MALRD1: variants seen among roughly 807,000 people sequenced by gnomAD.
The protein encoded by MALRD1 is MAM and LDL receptor class A domain containing 1.
A neutral mutation model predicts 242.1 loss-of-function variants in MALRD1; 247 were observed. The observed-to-expected ratio is 1.02, with a 90% CI of 0.92 to 1.13. The LOEUF (loss-of-function observed/expected upper bound fraction) is 1.13. Ranked by LOEUF, MALRD1 falls within the 50% of genes most tolerant of loss-of-function variation. The pLI, the probability that MALRD1 is intolerant of heterozygous loss-of-function variation, is 0.00. For missense variants in MALRD1, 2,989 were observed against 2,533.1 expected (o/e 1.18, Z -3.86); for synonymous variants, 995 against 866.6 (o/e 1.15, Z -2.60).
chr10:19,101,363 A>G (rs967321443), intron 4 of MALRD1, among the ~76,000 whole-genome samples: 2 of 144,552 alleles, frequency 1.4e-5, no homozygotes, highest in Non-Finnish European at 1.5e-5. Context: ...ATGTAATTAT[A>G]TATTATATAT....
chr10:19,698,528 T>C (rs1179150857), intron 38 of MALRD1, among the ~76,000 whole-genome samples: 3 of 152,172 alleles, frequency 2.0e-5, no homozygotes, highest in Non-Finnish European at 4.4e-5. Flanking sequence ...TTTGAAGTTA[T>C]TGTCTTTTGA....
chr10:19,340,052 C>T (rs1385810255), intron 24 of MALRD1, among the ~76,000 whole-genome samples: 1 of 152,030 alleles, frequency 6.6e-6, no homozygotes, highest in Admixed American at 6.6e-5. Context: ...GGAAACCGTC[C>T]TCATGATCTA....
At chr10:19,443,529 C>T (rs181019508) in intron 28 of MALRD1, among the ~76,000 whole-genome samples, 1 of 152,270 alleles carries the variant, frequency 6.6e-6, no homozygotes, top group African/African-American at 2.4e-5. Context: ...TGTCTTTGCT[C>T]TCATTGGTTT....
chr10:19,062,944 A>C (rs77135154), intron 1 of MALRD1, among the ~76,000 whole-genome samples: 2 of 152,254 alleles, frequency 1.3e-5, no homozygotes, highest in East Asian at 3.9e-4. Context: ...CCAGAAGTTC[A>C]AGATTAGCCT....
intron 5 of MALRD1, among the ~76,000 whole-genome samples, chr10:19,114,197 A>G (rs921980029): frequency 6.6e-6 from 1 of 152,226 alleles, no homozygotes; most frequent in Admixed American, 6.5e-5. Context: ...TCCTCAAACT[A>G]TATAATGAGG....
At chr10:19,049,422 C>T (rs538992665) in intron 1 of MALRD1, among the ~76,000 whole-genome samples, 8 of 152,174 alleles carry the variant, frequency 5.3e-5, no homozygotes, top group African/African-American at 1.4e-4. Flanking sequence ...TTTAATGTTA[C>T]GTGAGTGAAA....
rs58040272 is a variant in MALRD1 at position 19,700,021 on chromosome 10, G to GACACACAC, written c.6314+7500_6314+7507dup. 5.1e-3 allele frequency among the ~76,000 whole-genome samples: 714 copies of GACACACAC among 141,258 alleles called. 4 individuals are homozygous for GACACACAC. Among genetic ancestry groups the GACACACAC allele is most frequent in the African/African-American group, 0.016 (612 of 38,362 alleles). 92.7% of individuals were successfully genotyped at this position (141,258 alleles called of 152,430 possible). On this transcript the variant is annotated intron_variant, in intron 38 of 39. Transcript: ENST00000454679. ...AAGGGTCCCAAGTGAAATTGATTTA[G>GACACACAC]ACACACACACACACACACACACACA...
In MALRD1 at chr10:19,341,325, G is replaced by T. The variant is rs186047080; in HGVS notation, c.3902-6446G>T. On this transcript the variant is annotated intron_variant, in intron 24 of 39. Coordinates refer to ENST00000454679, the MANE Select transcript of MALRD1 (RefSeq NM_001142308.3). Reference sequence around the variant, plus strand: ...TGTCTGGCATTTTTTCTAGTTTCTTGGGATAATGAAGTGAACAATACATAC... The same window carrying T: ...TGTCTGGCATTTTTTCTAGTTTCTTTGGATAATGAAGTGAACAATACATAC... Among the ~76,000 whole-genome samples the T allele has an allele frequency of 2.3e-3, 349 of 151,486 alleles. 1 individual carries two copies. The highest frequency in any genetic ancestry group is 4.7e-3 in the Admixed American group (71 of 15,124).
chr10:19,658,573 G>A (rs969639204), intron 36 of MALRD1, among the ~76,000 whole-genome samples: 6 of 152,228 alleles, frequency 3.9e-5, no homozygotes, highest in Admixed American at 2.6e-4. Flanking sequence ...AGGGTCAAGA[G>A]TTATTGGCCT....
intron 32 of MALRD1, among the ~76,000 whole-genome samples, chr10:19,552,124 G>A (rs77351893): frequency 0.049 from 7,394 of 152,112 alleles, 581 homozygotes; most frequent in African/African-American, 0.17. Context: ...TTAGAGAGGA[G>A]TCCCTCCTTT....
intron 31 of MALRD1, among the ~76,000 whole-genome samples, chr10:19,505,394 C>T (rs1159855933): frequency 6.6e-6 from 1 of 151,954 alleles, no homozygotes; most frequent in African/African-American, 2.4e-5. Flanking sequence ...GGACTGTTGT[C>T]CTCATAAAAT....
At chr10:19,209,714 A>G (rs1375380541) in intron 18 of MALRD1, 34 bp downstream of exon 18, 1 of 1,468,464 alleles carries the variant, frequency 6.8e-7, no homozygotes, top group Non-Finnish European at 9.1e-7. Context: ...GTACATTTGA[A>G]ATGCATCTGA....
At chr10:19,370,618 C>A (rs866409503) in intron 26 of MALRD1, among the ~76,000 whole-genome samples, 3 of 152,034 alleles carry the variant, frequency 2.0e-5, no homozygotes, top group Admixed American at 6.6e-5. Flanking sequence ...GGCTCTGTTG[C>A]CCAGGGTTTA....
chr10:19,082,391 T>G (rs1183918377), intron 2 of MALRD1, among the ~76,000 whole-genome samples: 3 of 151,310 alleles, frequency 2.0e-5, no homozygotes, highest in African/African-American at 7.3e-5. Flanking sequence ...TTGATTTTTA[T>G]CAGTTATATA....
chr10:19,534,442 A>C (rs1423032340), intron 32 of MALRD1, among the ~76,000 whole-genome samples: 2 of 152,104 alleles, frequency 1.3e-5, no homozygotes, highest in Non-Finnish European at 2.9e-5. Context: ...GCTTTTTTAC[A>C]ATCTCTAATT....
At chr10:19,369,797 A>T (rs544398424) in intron 26 of MALRD1, among the ~76,000 whole-genome samples, 1 of 151,906 alleles carries the variant, frequency 6.6e-6, no homozygotes, top group East Asian at 1.9e-4. Flanking sequence ...GATATTTTTT[A>T]TATACTCTAG....
At chr10:19,374,605 C>A (rs1845522917) in intron 26 of MALRD1, among the ~76,000 whole-genome samples, 1 of 152,186 alleles carries the variant, frequency 6.6e-6, no homozygotes, top group South Asian at 2.1e-4. Context: ...TGCACACACA[C>A]ATATACATAC....
chr10:19,431,099 C>T (rs1017748310), intron 28 of MALRD1, among the ~76,000 whole-genome samples: 4 of 152,104 alleles, frequency 2.6e-5, no homozygotes, highest in Non-Finnish European at 5.9e-5. Flanking sequence ...TGCCTATCAA[C>T]CCATCACGTA....
intron 28 of MALRD1, among the ~76,000 whole-genome samples, chr10:19,443,830 A>G (rs1834806375): frequency 2.0e-5 from 3 of 152,178 alleles, no homozygotes; most frequent in Non-Finnish European, 4.4e-5. Context: ...GTACATGTCT[A>G]TTACATCCAC....
Sources: gnomAD v4.1 joint callset for allele counts (sites outside exome capture counted in the v4.1 genomes callset) on GRCh38, gnomAD v4.1.1 for gene constraint, MANE v1.5 for transcripts, NCBI Gene and HGNC (gene_info 2026-07-23, HGNC 2026-07-21) for gene names.